SUPT3H: variants seen among roughly 807,000 people sequenced by gnomAD.
The protein encoded by SUPT3H is SPT3 homolog, SAGA and STAGA complex component.
Under a neutral mutation model 44.3 loss-of-function variants are expected in SUPT3H, and 44 were observed. The observed-to-expected ratio is 0.99, with a 90% CI of 0.78 to 1.28. The LOEUF is 1.28. Among genes scored for constraint, SUPT3H ranks in the 50% most tolerant of loss-of-function variants. The pLI is 0.00. For synonymous variants in SUPT3H, 124 were observed against 125.6 expected (o/e 0.99, Z 0.09); for missense variants, 380 against 387.1 (o/e 0.98, Z 0.15).
chr6:44,975,634 T>C (rs1276909410), intron 6 of SUPT3H, among the ~76,000 whole-genome samples: 1 of 32,564 alleles, frequency 3.1e-5, no homozygotes, highest in African/African-American at 1.5e-4. Context: ...CAGTGTACAC[T>C]GCTCGGGTTA....
chr6:45,237,578 C>T (rs1473961658), intron 2 of SUPT3H, among the ~76,000 whole-genome samples: 3 of 152,048 alleles, frequency 2.0e-5, no homozygotes, highest in East Asian at 1.9e-4. Context: ...CTGCTTCAAG[C>T]GGAAAGACAA....
chr6:44,863,775 C>A (rs1449522133), intron 10 of SUPT3H, among the ~76,000 whole-genome samples: 1 of 152,064 alleles, frequency 6.6e-6, no homozygotes, highest in Non-Finnish European at 1.5e-5. Context: ...TTCCACGTGG[C>A]TAGGGAGACC....
chr6:45,200,275 T>C (rs1473284968), intron 2 of SUPT3H, among the ~76,000 whole-genome samples: 1 of 151,474 alleles, frequency 6.6e-6, no homozygotes, highest in African/African-American at 2.4e-5. Flanking sequence ...TCTAATTGTA[T>C]TATCATACAA....
chr6:45,373,185 G>A (rs1166979983), intron 1 of SUPT3H, among the ~76,000 whole-genome samples: 6 of 151,986 alleles, frequency 3.9e-5, no homozygotes, highest in Non-Finnish European at 8.8e-5. Flanking sequence ...CAAGCAACCC[G>A]GGCCTGTCTT....
chr6:45,043,858 T>C (rs1338552658), intron 3 of SUPT3H, among the ~76,000 whole-genome samples: 1 of 152,296 alleles, frequency 6.6e-6, no homozygotes, highest in African/African-American at 2.4e-5. Flanking sequence ...TTACTCACTA[T>C]GAATAAAACT....
chr6:45,279,385 C>G (rs116778151), intron 2 of SUPT3H, among the ~76,000 whole-genome samples: 2,661 of 152,254 alleles, frequency 0.017, 50 homozygotes, highest in South Asian at 0.085. Flanking sequence ...CTACAAGACT[C>G]ATGTTGATAT....
chr6:44,989,874 G>A (rs1302193958), intron 6 of SUPT3H, among the ~76,000 whole-genome samples: 1 of 151,930 alleles, frequency 6.6e-6, no homozygotes, highest in Non-Finnish European at 1.5e-5. Context: ...AGTTGTGTGA[G>A]TTCCTTATAT....
chr6:45,169,287 C>T (rs1054634060), intron 2 of SUPT3H, among the ~76,000 whole-genome samples: 6 of 152,090 alleles, frequency 3.9e-5, no homozygotes, highest in Non-Finnish European at 7.4e-5. Flanking sequence ...AACAACTCTG[C>T]TGCTGTTACA....
chr6:45,106,786 T>G (rs896055705), intron 2 of SUPT3H, among the ~76,000 whole-genome samples: 3 of 152,212 alleles, frequency 2.0e-5, no homozygotes, highest in Non-Finnish European at 4.4e-5. Flanking sequence ...TCCACCCACC[T>G]TGGCCTCCCA....
intron 10 of SUPT3H, among the ~76,000 whole-genome samples, chr6:44,835,302 C>T (rs1455149503): frequency 1.3e-5 from 2 of 152,136 alleles, no homozygotes; most frequent in Non-Finnish European, 2.9e-5. Context: ...AGCATACATT[C>T]ACCCTCTCCC....
At chr6:45,202,999 C>A (rs1362001149) in intron 2 of SUPT3H, among the ~76,000 whole-genome samples, 1 of 151,782 alleles carries the variant, frequency 6.6e-6, no homozygotes, top group Non-Finnish European at 1.5e-5. Context: ...TACACAAATA[C>A]TGATAAAATA....
chr6:45,278,880 G>C (rs540638816), intron 2 of SUPT3H, among the ~76,000 whole-genome samples: 1 of 152,224 alleles, frequency 6.6e-6, no homozygotes, highest in East Asian at 1.9e-4. Context: ...AACACAAAAA[G>C]TGCTAATTGT....
chr6:45,311,354 G>A (rs1783919967), intron 2 of SUPT3H, among the ~76,000 whole-genome samples: 1 of 152,150 alleles, frequency 6.6e-6, no homozygotes, highest in Non-Finnish European at 1.5e-5. Context: ...TGTTCCTGAG[G>A]AAGAAGACAA....
chr6:45,340,007 C>T (rs1789424738), intron 2 of SUPT3H, among the ~76,000 whole-genome samples: 1 of 152,126 alleles, frequency 6.6e-6, no homozygotes, highest in African/African-American at 2.4e-5. Context: ...GGTAAAGGAA[C>T]TTGCTCAAGG....
At chr6:45,259,723 G>A (rs538414750) in intron 2 of SUPT3H, among the ~76,000 whole-genome samples, 1 of 151,886 alleles carries the variant, frequency 6.6e-6, no homozygotes, top group African/African-American at 2.4e-5. Flanking sequence ...GTAAAAACTA[G>A]TAACTCTGGT....
chr6:44,934,965 A>T (rs1411895717), intron 9 of SUPT3H, among the ~76,000 whole-genome samples: 1 of 152,212 alleles, frequency 6.6e-6, no homozygotes, highest in East Asian at 1.9e-4. Flanking sequence ...CCAAAATGTG[A>T]CATTAAATTA....
At chr6:45,090,535 T>C (rs960739926) in intron 3 of SUPT3H, among the ~76,000 whole-genome samples, 2 of 152,046 alleles carry the variant, frequency 1.3e-5, no homozygotes, top group African/African-American at 4.8e-5. Flanking sequence ...AGGGACTTTT[T>C]TATCCACCAT....
chr6:44,834,958 G>A (rs933899495), intron 10 of SUPT3H, among the ~76,000 whole-genome samples: 2 of 152,128 alleles, frequency 1.3e-5, no homozygotes, highest in African/African-American at 4.8e-5. Context: ...GCCATTATAA[G>A]CTTTGAGTTC....
At chr6:44,870,928 C>T (rs1291358393) in intron 10 of SUPT3H, among the ~76,000 whole-genome samples, 1 of 151,696 alleles carries the variant, frequency 6.6e-6, no homozygotes, top group African/African-American at 2.4e-5. Context: ...CCGAATATTG[C>T]GCTTTTCAGA....
Sources: gnomAD v4.1 joint callset for allele counts (sites outside exome capture counted in the v4.1 genomes callset) on GRCh38, gnomAD v4.1.1 for gene constraint, MANE v1.5 for transcripts, NCBI Gene and HGNC (gene_info 2026-07-23, HGNC 2026-07-21) for gene names.